Variants in AARS2 observed in about 807,000 individuals in gnomAD.
AARS2 encodes alanine--tRNA ligase, mitochondrial.
Under a neutral mutation model 119.7 loss-of-function variants are expected in AARS2, and 78 were observed. The ratio of observed to expected loss-of-function variants is 0.65; its 90% CI spans 0.54 to 0.79. The LOEUF (loss-of-function observed/expected upper bound fraction) is 0.79. Among genes scored for constraint, AARS2 ranks in the 30% least tolerant of loss-of-function variants. The pLI, the probability that AARS2 is intolerant of heterozygous loss-of-function variation, is 0.00. For missense variants in AARS2, 1,157 were observed against 1,291.3 expected (o/e 0.90, Z 1.59); for synonymous variants, 502 against 526.3 (o/e 0.95, Z 0.63).
rs1561936372 is a variant in AARS2 at position 44,301,172 on chromosome 6, G to A, written c.2777C>T (p.Ala926Val). ...SPQPMGKVLC[A>V]CQVAQGAMPT... ...TTCCCTCACCTGGGCCACCTGACAG[G>A]CACACAGCACCTTCCCCATGGGCTG... The change falls in exon 21 of 22, where the codon GCC (alanine) becomes GTC (valine). Residue 926 changes from alanine (A) to valine (V), a missense_variant. Transcript: ENST00000244571. 1.2e-6 allele frequency: 2 copies of A among 1,613,428 alleles called. No homozygotes were observed. Among genetic ancestry groups the A allele is most frequent in the Admixed American group, 3.3e-5 (2 of 59,998 alleles).
At chr6:44,302,006 G>C (rs1393409907) in intron 19 of AARS2, 54 bp downstream of exon 19, 1 of 1,574,572 alleles carries the variant, frequency 6.4e-7, no homozygotes, top group Non-Finnish European at 8.7e-7. Context: ...AGACTTCTCA[G>C]TGTATCTGCT....
chr6:44,304,602 C>G, intron 12 of AARS2, 43 bp downstream of exon 12: 3 of 1,614,174 alleles, frequency 1.9e-6, no homozygotes, highest in Non-Finnish European at 2.5e-6. Flanking sequence ...AGGCTTGGGT[C>G]TGCCGCCCAC....
rs116516830 is a variant in AARS2, at chr6:44,312,872, C to T, written c.243+209G>A. Among the ~76,000 whole-genome samples, 3,587 of 152,304 alleles carry T rather than the reference C, an allele frequency of 0.024. 44 individuals are homozygous for T. The highest frequency in any genetic ancestry group is 0.036 in the Non-Finnish European group (2,441 of 68,034). On this transcript the variant is annotated intron_variant, in intron 1 of 21. Transcript: ENST00000244571. ...GCCATTTCTGGACCTAATACTCAAT[C>T]CCAATCCAGAAGTTCCCAGCTCAAG... is the stretch of plus-strand genomic sequence containing the variant.
At position 44,304,788 on chromosome 6, in the gene AARS2, G is replaced by A. The variant is rs2153354550; in HGVS notation, c.1609C>T (p.Gln537Ter). ...EFGTCEAQVL[Q>*]LYTEDGTAVA... The stretch of plus-strand genomic sequence containing the variant: ...GCTGTCCCGTCCTCTGTATACAGTT[G>A]CAACACCTGGGCCTCACAGGTGCCG... Residue 537 changes from glutamine to a stop codon, truncating the protein, a stop_gained, in exon 12 of 22, where the codon CAA becomes TAA. Coordinates refer to ENST00000244571, the MANE Select transcript of AARS2 (RefSeq NM_020745.4). LOFTEE classifies it high-confidence loss of function. The A allele has an allele frequency of 4.3e-6, 7 of 1,614,188 alleles. No homozygotes were observed. The highest frequency in any genetic ancestry group is 5.9e-6 in the Non-Finnish European group (7 of 1,180,024).
Position 44,313,336 on chromosome 6 carries a change from C to A in AARS2, c.-13G>T, listed in dbSNP as rs1786543440. 6.3e-7 allele frequency: 1 copy of A among 1,598,498 alleles called. No homozygotes were observed. The highest frequency in any genetic ancestry group is 8.5e-7 in the Non-Finnish European group (1 of 1,178,806). On this transcript the variant is annotated 5_prime_UTR_variant, in exon 1 of 22. Coordinates refer to ENST00000244571, the MANE Select transcript of AARS2 (RefSeq NM_020745.4). ...CTGACGCTGCCATCGTAGCTCCGGG[C>A]AGTGACTTTACGTGGTCAAAGAGTG...
At position 44,306,930 on chromosome 6, in the gene AARS2, TCCA is replaced by T. The variant is rs1167681306; in HGVS notation, c.1139_1141del (p.Val380del). On this transcript the variant is annotated inframe_deletion, in exon 7 of 22. Transcript: ENST00000244571. The stretch of plus-strand genomic sequence containing the variant: ...AAGAAGCTCTGTCCTTACCAGTGTC[TCCA>T]CCACTACAGGTACCAGGCTGCCTAG... 1 of 1,613,794 alleles carries T rather than the reference TCCA, an allele frequency of 6.2e-7. No individual in the cohort carries two copies. Among genetic ancestry groups the T allele is most frequent in the Non-Finnish European group, 8.5e-7 (1 of 1,179,762 alleles).
In AARS2 at chr6:44,301,366, T is replaced by A. The variant is rs768167751; in HGVS notation, c.2682+15A>T. The A allele has an allele frequency of 1.9e-6, 3 of 1,613,908 alleles. No individual in the cohort carries two copies. The East Asian group carries it at 6.7e-5, about 36-fold the overall frequency. ...TCCCCAGACCCTGGGGCAGCCCGGC[T>A]TGGCTAGCACTCACTGAGAGAGACT... On this transcript the variant is annotated intron_variant, in intron 20 of 21. Coordinates refer to ENST00000244571, the MANE Select transcript of AARS2 (RefSeq NM_020745.4).
At position 44,303,412 on chromosome 6, in the gene AARS2, G is replaced by A; in HGVS notation, c.2019C>T (p.Thr673=). 6.2e-7 allele frequency: 1 copy of A among 1,614,048 alleles called. No individual in the cohort carries two copies. Among genetic ancestry groups the A allele is most frequent in the South Asian group, 1.1e-5 (1 of 91,088 alleles). Residue 673 remains threonine (T), a synonymous_variant, in exon 15 of 22, where the codon ACC becomes ACT. Coordinates refer to ENST00000244571, the MANE Select transcript of AARS2 (RefSeq NM_020745.4). Reference sequence around the variant, plus strand: ...TCTCCACTGCCCGGAGCTGCTCTGGGGTCAATGGGGTCTGGAGGGGTGGGG... The same window carrying A: ...TCTCCACTGCCCGGAGCTGCTCTGGAGTCAATGGGGTCTGGAGGGGTGGGG... ...RLDVTTQTPL[T]PEQLRAVENT...
At chr6:44,310,530 G>C (rs1786262501) in intron 4 of AARS2, 87 bp from the exon 5 acceptor site, 2 of 1,555,384 alleles carry the variant, frequency 1.3e-6, no homozygotes, top group Admixed American at 1.7e-5. Flanking sequence ...AAATGGGGGG[G>C]GGCCCAAGGG....
At chr6:44,304,072 C>A (rs535730449) in intron 14 of AARS2, 109 bp downstream of exon 14, 2 of 1,523,990 alleles carry the variant, frequency 1.3e-6, no homozygotes, top group Admixed American at 1.7e-5. Context: ...ATTGGGTGGC[C>A]GTGCTGGGCC....
At position 44,310,523 on chromosome 6, in the gene AARS2, T is replaced by TGG. The variant is rs540341777; in HGVS notation, c.750-82_750-81dup. The TGG allele has an allele frequency of 8.5e-6, 13 of 1,537,398 alleles. No individual in the cohort carries two copies. In the South Asian group the frequency reaches 9.1e-5, roughly 11 times the overall value. On this transcript the variant is annotated intron_variant, in intron 4 of 21. Transcript: ENST00000244571. ...CAGATGCCCAAGTGGAGTAGAGAAA[T>TGG]GGGGGGGGGCCCAAGGGAGCTGACA...
chr6:44,310,589 T>C, intron 4 of AARS2, 146 bp from the exon 5 acceptor site: 2 of 1,079,924 alleles, frequency 1.9e-6, no homozygotes, highest in Non-Finnish European at 2.7e-6. Context: ...CCTGCCACCC[T>C]GCAATAGCAG....
At chr6:44,302,974 G>C in intron 16 of AARS2, 64 bp from the exon 17 acceptor site, 2 of 1,600,896 alleles carry the variant, frequency 1.2e-6, no homozygotes, top group Middle Eastern at 1.7e-4. Context: ...AAGCCAGCGT[G>C]CATCTCCCAT....
chr6:44,306,899 G>C, intron 7 of AARS2, 24 bp downstream of exon 7: 1 of 1,608,830 alleles, frequency 6.2e-7, no homozygotes, highest in Non-Finnish European at 8.5e-7. Context: ...GAGGCCCAGA[G>C]TGAAAAAGAA....
In AARS2 at chr6:44,305,105, T is replaced by C. The variant is rs767423334; in HGVS notation, c.1528A>G (p.Thr510Ala). 2.9e-5 allele frequency: 46 copies of C among 1,613,930 alleles called. No individual in the cohort carries two copies. The highest frequency in any genetic ancestry group is 3.4e-5 in the Non-Finnish European group (40 of 1,180,032). ...TAGTTGTACTTGGGGCTGTCGTCAGTTGGGGGCACTCCTTGGCGCTGCAGC... is the reference window on the plus strand; with the variant it reads ...TAGTTGTACTTGGGGCTGTCGTCAGCTGGGGGCACTCCTTGGCGCTGCAGC... ...GELQRQGVPPTDDSPKYNYSL... is the reference protein window; with the variant it reads ...GELQRQGVPPADDSPKYNYSL... Residue 510 changes from threonine to alanine, a missense_variant, in exon 11 of 22, where the codon ACT (threonine) becomes GCT (alanine). Physicochemically the swap from Thr to Ala is moderately conservative, Grantham distance 58. Coordinates refer to ENST00000244571, the MANE Select transcript of AARS2 (RefSeq NM_020745.4). This position sits in a 1 kb window ranked among gnomAD's most constrained non-coding sequence, Gnocchi z 4.6.
In AARS2 at chr6:44,300,282, GA is replaced by G. The variant is rs1785255778; in HGVS notation, c.*264del. ...GTGTGAACCACCACACCCGGCCAGTGAAATAATTTCTAATGTGCAGTCACAG... is the reference window on the plus strand; with the variant it reads ...GTGTGAACCACCACACCCGGCCAGTGAATAATTTCTAATGTGCAGTCACAG... On this transcript the variant is annotated 3_prime_UTR_variant, in exon 22 of 22. Transcript: ENST00000244571. The G allele has an allele frequency of 1.9e-6, 1 of 540,472 alleles. No individual in the cohort carries two copies. The highest frequency in any genetic ancestry group is 3.3e-6 in the Non-Finnish European group (1 of 300,558). The allele number at this position is 540,472 out of a possible 1,614,324, so 33.5% of individuals were successfully genotyped here.
At position 44,311,553 on chromosome 6, in the gene AARS2, A is replaced by G. The variant is rs1786353158; in HGVS notation, c.436-18T>C. 9.3e-6 allele frequency: 14 copies of G among 1,513,238 alleles called. No homozygotes were observed. Among genetic ancestry groups the G allele is most frequent in the Non-Finnish European group, 1.3e-5 (14 of 1,107,212 alleles). 93.7% of individuals were successfully genotyped at this position (1,513,238 alleles called of 1,614,324 possible). A position where few individuals can be genotyped will look rare whatever the true frequency, so the allele number is the denominator to read the frequency against. ...GCCTCCTCCTGCAGCAGAAACCAGC[A>G]TGGGGTGGGGGGGGAAGACGGGTGA... On this transcript the variant is annotated intron_variant, in intron 2 of 21. Coordinates refer to ENST00000244571, the MANE Select transcript of AARS2 (RefSeq NM_020745.4).
Position 44,312,544 on chromosome 6 carries a change from T to C in AARS2, c.244-281A>G, listed in dbSNP as rs3818685. The stretch of plus-strand genomic sequence containing the variant: ...GGAGGAATGTGTTGGGAGCTGGAAA[T>C]GGGACGCTGAAAGGTGGCATCCTCC... On this transcript the variant is annotated intron_variant, in intron 1 of 21. Coordinates refer to ENST00000244571, the MANE Select transcript of AARS2 (RefSeq NM_020745.4). 0.43 allele frequency among the ~76,000 whole-genome samples: 66,054 copies of C among 151,892 alleles called. 14,673 individuals carry two copies. The highest frequency in any genetic ancestry group is 0.64 in the East Asian group (3,306 of 5,164).
chr6:44,311,699 T>C lies in AARS2; in HGVS notation c.436-164A>G, dbSNP rs150281682. 5.9e-3 allele frequency among the ~76,000 whole-genome samples: 901 copies of C among 152,322 alleles called. 11 individuals carry two copies. The highest frequency in any genetic ancestry group is 0.019 in the African/African-American group (802 of 41,558). On this transcript the variant is annotated intron_variant, in intron 2 of 21. Transcript: ENST00000244571. ...ATGAACCATTACTGCCTCTGAGTGT[T>C]TTCCTGCCCAGAAAGCTTCCCCCTT... is the stretch of plus-strand genomic sequence containing the variant.
Sources: allele counts gnomAD v4.1 joint callset (sites outside exome capture counted in the v4.1 genomes callset), GRCh38; gene constraint gnomAD v4.1.1; non-coding constraint Gnocchi (gnomAD v3.1); transcripts MANE v1.5; gene names NCBI Gene and HGNC (gene_info 2026-07-23, HGNC 2026-07-21).